The following NEK5 variants were observed in gnomAD, a reference collection of about 807,000 sequenced individuals.
NEK5 encodes NIMA related kinase 5, also known as serine/threonine-protein kinase Nek5.
Under a neutral mutation model 109.2 loss-of-function variants are expected in NEK5, and 88 were observed. That is an observed-to-expected ratio of 0.81 (90% CI 0.68 to 0.96). The LOEUF (loss-of-function observed/expected upper bound fraction) is 0.96. Ranked by LOEUF, NEK5 falls within the 40% of genes least tolerant of loss-of-function variation. NEK5 has a pLI of 0.00. For synonymous variants in NEK5, 283 were observed against 299.9 expected (o/e 0.94, Z 0.58); for missense variants, 834 against 920.7 (o/e 0.91, Z 1.22).
At chr13:52,075,548 C>G (rs912059618) in intron 19 of NEK5, among the ~76,000 whole-genome samples, 1 of 152,090 alleles carries the variant, frequency 6.6e-6, no homozygotes, top group Non-Finnish European at 1.5e-5. Context: ...GTATTATGCT[C>G]AATACCTGGG....
chr13:52,070,923 A>G (rs1954773909), intron 20 of NEK5, among the ~76,000 whole-genome samples: 1 of 152,220 alleles, frequency 6.6e-6, no homozygotes, highest in South Asian at 2.1e-4. Flanking sequence ...GGTTATTCCT[A>G]CTACTATTAT....
chr13:52,044,201 G>T (rs1954438068), intron 23 of NEK5, among the ~76,000 whole-genome samples: 1 of 152,196 alleles, frequency 6.6e-6, no homozygotes, highest in Non-Finnish European at 1.5e-5. Context: ...AATTTGGACT[G>T]GCTCTCCTCT....
intron 22 of NEK5, among the ~76,000 whole-genome samples, chr13:52,055,399 C>T (rs1954545503): frequency 6.6e-6 from 1 of 152,144 alleles, no homozygotes; most frequent in Admixed American, 6.5e-5. Context: ...AGGAGAACTT[C>T]CCCAATCTAG....
chr13:52,039,160 TATAG>T (rs1366419492), intron 23 of NEK5, among the ~76,000 whole-genome samples: 1 of 152,104 alleles, frequency 6.6e-6, no homozygotes, highest in East Asian at 1.9e-4. Flanking sequence ...GACTCATGGA[TATAG>T]AGAAGTTATG....
chr13:52,106,778 A>G (rs1955664586), intron 8 of NEK5, among the ~76,000 whole-genome samples: 1 of 152,068 alleles, frequency 6.6e-6, no homozygotes, highest in African/African-American at 2.4e-5. Context: ...AAAAAAAAAA[A>G]AATTATTGCT....
intron 4 of NEK5, among the ~76,000 whole-genome samples, chr13:52,114,541 G>A (rs1955814855): frequency 6.6e-6 from 1 of 152,090 alleles, no homozygotes; most frequent in South Asian, 2.1e-4. Flanking sequence ...CTTCTATTGA[G>A]GACATGCAAA....
At chr13:52,069,813 C>T (rs531164935) in intron 20 of NEK5, among the ~76,000 whole-genome samples, 1 of 152,336 alleles carries the variant, frequency 6.6e-6, no homozygotes, top group East Asian at 1.9e-4. Flanking sequence ...CTGCAGCCAG[C>T]ATGATCCTTC....
chr13:52,102,368 A>C, intron 9 of NEK5, 76 bp from the exon 10 acceptor site: 2 of 1,100,438 alleles, frequency 1.8e-6, no homozygotes, highest in Non-Finnish European at 2.8e-6. Context: ...TGTTAAAGTA[A>C]CAAATATACC....
At chr13:52,059,997 G>A (rs996351538) in intron 22 of NEK5, among the ~76,000 whole-genome samples, 1 of 150,926 alleles carries the variant, frequency 6.6e-6, no homozygotes, top group Non-Finnish European at 1.5e-5. Flanking sequence ...ATAATAATTA[G>A]GTTTTCTAAT....
chr13:52,100,700 C>A (rs1955511638), intron 11 of NEK5, among the ~76,000 whole-genome samples: 1 of 151,880 alleles, frequency 6.6e-6, no homozygotes. Context: ...ACAGTGAGAC[C>A]CCATCTCAAT....
intron 20 of NEK5, among the ~76,000 whole-genome samples, chr13:52,068,073 C>A (rs578033804): frequency 1.3e-5 from 2 of 152,174 alleles, no homozygotes; most frequent in African/African-American, 4.8e-5. Flanking sequence ...CAGGGTGGAG[C>A]TGCCAGAAAT....
chr13:52,119,400 T>C lies in NEK5; in HGVS notation c.133A>G (p.Lys45Glu), dbSNP rs775235888. The C allele has an allele frequency of 1.9e-6, 3 of 1,588,584 alleles. No homozygotes were observed. The highest frequency in any genetic ancestry group is 2.6e-6 in the Non-Finnish European group (3 of 1,159,802). Residue 45 changes from lysine to glutamate, a missense_variant, in exon 4 of 24, where the codon AAA (lysine) becomes GAA (glutamate). Coordinates refer to ENST00000684899, the MANE Select transcript of NEK5 (RefSeq NM_001365552.1). ...INFEKMPIQE[K>E]EASKKEVILL... ...ATCACTTCTTTCTTTGAAGCTTCTT[T>C]TTCTTGTATGGGCATCTAAATTACA... is the stretch of plus-strand genomic sequence containing the variant.
intron 22 of NEK5, among the ~76,000 whole-genome samples, chr13:52,057,736 T>C (rs1234837773): frequency 5.3e-5 from 8 of 152,062 alleles, no homozygotes; most frequent in Non-Finnish European, 1.2e-4. Flanking sequence ...AAAAGGCCTT[T>C]GACAAAATTC....
intron 23 of NEK5, among the ~76,000 whole-genome samples, chr13:52,038,825 G>GGAAAA (rs1191087486): frequency 1.5e-4 from 14 of 94,562 alleles, no homozygotes; most frequent in South Asian, 4.1e-4. Context: ...ACACTCATCT[G>GGAAAA]AAAAAAAAAA....
At chr13:52,082,359 G>C (rs1313488770) in intron 17 of NEK5, 9 of 1,188,398 alleles carry the variant, frequency 7.6e-6, no homozygotes, top group Non-Finnish European at 8.6e-6. Flanking sequence ...CCAAATCATT[G>C]AGAATCTTCT....
intron 4 of NEK5, among the ~76,000 whole-genome samples, chr13:52,115,601 C>CAAAAA (rs71088014): frequency 4.7e-4 from 23 of 49,224 alleles, no homozygotes; most frequent in African/African-American, 1.9e-3. Context: ...GAGACTCCGT[C>CAAAAA]AAAAAAAAAA....
At chr13:52,123,378 T>G (rs1356171183) in intron 3 of NEK5, among the ~76,000 whole-genome samples, 1 of 152,196 alleles carries the variant, frequency 6.6e-6, no homozygotes, top group Non-Finnish European at 1.5e-5. Flanking sequence ...AAAAATATAG[T>G]CAATTTTTGA....
At chr13:52,087,053 G>C (rs777065499) in intron 15 of NEK5, among the ~76,000 whole-genome samples, 3 of 152,154 alleles carry the variant, frequency 2.0e-5, no homozygotes, top group Non-Finnish European at 4.4e-5. Flanking sequence ...AAGCCACCTA[G>C]TTTGTTGAAC....
rs1046030404 is a variant in NEK5, at chr13:52,034,318, G to A, written c.*2630C>T. 1 of 152,244 alleles carries A rather than the reference G, an allele frequency of 6.6e-6. No homozygotes were observed. The highest frequency in any genetic ancestry group is 1.9e-4 in the East Asian group (1 of 5,188). The allele number at this position is 152,244 out of a possible 1,614,324, so 9.4% of individuals were successfully genotyped here. On this transcript the variant is annotated 3_prime_UTR_variant, in exon 24 of 24. Coordinates refer to ENST00000684899, the MANE Select transcript of NEK5 (RefSeq NM_001365552.1). ...TAATAGTGTGTGTAAAATGGGTAAG[G>A]TCTAGAATTAGGGACTAAAATCAGC...
Sources: allele counts gnomAD v4.1 joint callset (sites outside exome capture counted in the v4.1 genomes callset), GRCh38; gene constraint gnomAD v4.1.1; transcripts MANE v1.5; gene names NCBI Gene and HGNC (gene_info 2026-07-23, HGNC 2026-07-21).